Variants in RNF6 observed in about 807,000 individuals in gnomAD.
RNF6 encodes ring finger protein 6, also known as E3 ubiquitin-protein ligase RNF6.
RNF6 carries 21 observed loss-of-function variants against 50.1 expected under a neutral mutation model. The observed-to-expected ratio is 0.42, with a 90% CI of 0.30 to 0.60. RNF6 has a LOEUF of 0.60. RNF6 is among the 20% of genes least tolerant of loss of function. The pLI is 0.20. For synonymous variants in RNF6, 255 were observed against 291.8 expected, an observed-to-expected ratio of 0.87 and a Z score of 1.29; for missense variants, 698 against 838.2, an observed-to-expected ratio of 0.83 and a Z score of 2.07.
intron 5 of RNF6, among the ~76,000 whole-genome samples, chr13:26,139,495 G>A (rs1046447120): frequency 6.6e-6 from 1 of 152,046 alleles, no homozygotes; most frequent in Non-Finnish European, 1.5e-5. Context: ...TGACCACCCT[G>A]TGTCACCACT....
At chr13:26,221,568 C>A (rs149568510) in intron 1 of RNF6, 2 of 152,366 alleles carry the variant, frequency 1.3e-5, no homozygotes, top group East Asian at 3.9e-4. Context: ...CCTGGGTTTA[C>A]GCCTCCTCTC....
chr13:26,210,079 G>GA (rs1219086670), downstream of RNF6, among the ~76,000 whole-genome samples: 3 of 152,046 alleles, frequency 2.0e-5, no homozygotes, highest in African/African-American at 4.8e-5. Context: ...AGAGACTAAA[G>GA]AAAAAATCAC....
chr13:26,135,735 T>C (rs1462890897), intron 5 of RNF6: 1 of 152,212 alleles, frequency 6.6e-6, no homozygotes, highest in African/African-American at 2.4e-5. Context: ...ACCACCAATG[T>C]TGGTGGTAGG....
intron 5 of RNF6, among the ~76,000 whole-genome samples, chr13:26,162,943 G>A (rs1464871588): frequency 1.3e-5 from 2 of 152,138 alleles, no homozygotes; most frequent in Non-Finnish European, 2.9e-5. Flanking sequence ...GTTTTATTGT[G>A]GAAACTTTCA....
At chr13:26,163,053 G>A (rs2137613767) in intron 5 of RNF6, among the ~76,000 whole-genome samples, 1 of 152,190 alleles carries the variant, frequency 6.6e-6, no homozygotes, top group East Asian at 1.9e-4. Context: ...GCTCATGCCT[G>A]TAATCCCAGC....
At chr13:26,194,671 A>T (rs942571240) in intron 5 of RNF6, among the ~76,000 whole-genome samples, 1 of 152,112 alleles carries the variant, frequency 6.6e-6, no homozygotes, top group Non-Finnish European at 1.5e-5. Flanking sequence ...TTAAGTATTA[A>T]CTCACATGAT....
chr13:26,186,660 G>T (rs1040812474), intron 5 of RNF6, among the ~76,000 whole-genome samples: 2 of 152,222 alleles, frequency 1.3e-5, no homozygotes, highest in Non-Finnish European at 2.9e-5. Context: ...CCGCAGCGGC[G>T]CTATACCTTC....
intron 5 of RNF6, among the ~76,000 whole-genome samples, chr13:26,202,069 C>T (rs1868918393): frequency 6.6e-6 from 1 of 152,196 alleles, no homozygotes; most frequent in Non-Finnish European, 1.5e-5. Context: ...TCCTACCATA[C>T]TTGGCAGTCT....
chr13:26,155,357 C>T (rs1406758615), intron 5 of RNF6, among the ~76,000 whole-genome samples: 2 of 145,046 alleles, frequency 1.4e-5, no homozygotes, highest in Non-Finnish European at 3.1e-5. Flanking sequence ...TGGTATGTTT[C>T]TTTTTTTTTT....
downstream of RNF6, among the ~76,000 whole-genome samples, chr13:26,211,134 C>T (rs539373226): frequency 5.3e-5 from 8 of 152,254 alleles, no homozygotes; most frequent in Admixed American, 4.6e-4. Context: ...TTGTCATCAG[C>T]CTTGTTTATT....
chr13:26,169,176 G>T (rs1000284939), intron 5 of RNF6, among the ~76,000 whole-genome samples: 6 of 152,116 alleles, frequency 3.9e-5, no homozygotes, highest in African/African-American at 1.4e-4. Flanking sequence ...GCATAGAAAG[G>T]GTTCCCTGCC....
chr13:26,172,717 G>A lies in RNF6; in HGVS notation n.769-40266C>T, dbSNP rs185291447. 2.7e-3 allele frequency among the ~76,000 whole-genome samples: 411 copies of A among 152,146 alleles called. 2 individuals carry two copies. The highest frequency in any genetic ancestry group is 8.9e-3 in the African/African-American group (369 of 41,510). On this transcript the variant is annotated intron_variant and non_coding_transcript_variant, in intron 5 of 5. Transcript: ENST00000468480. Reference sequence around the variant, plus strand: ...CGCCACCATGCCCGGCTAATTTTCTGTATTTTTAGTACAGATAAGGTTTCA... The same window carrying A: ...CGCCACCATGCCCGGCTAATTTTCTATATTTTTAGTACAGATAAGGTTTCA...
upstream of RNF6, chr13:26,222,419 A>G (rs1870616999): frequency 6.6e-6 from 1 of 152,306 alleles, no homozygotes; most frequent in South Asian, 2.1e-4. Context: ...CCGGCCGCTC[A>G]GCGCTCGTGG....
intron 5 of RNF6, among the ~76,000 whole-genome samples, chr13:26,186,934 C>T (rs373092637): frequency 1.2e-4 from 18 of 152,170 alleles, no homozygotes; most frequent in Non-Finnish European, 2.2e-4. Context: ...CCCGCCACCA[C>T]GCCCGGCTAA....
At chr13:26,155,045 CA>C (rs145217433) in intron 5 of RNF6, among the ~76,000 whole-genome samples, 12 of 146,134 alleles carry the variant, frequency 8.2e-5, no homozygotes, top group South Asian at 2.2e-4. Flanking sequence ...AAGCAAAAAA[CA>C]AAAAAAAAAC....
intron 5 of RNF6, among the ~76,000 whole-genome samples, chr13:26,203,955 A>G (rs998123427): frequency 2.0e-5 from 3 of 146,550 alleles, no homozygotes; most frequent in Non-Finnish European, 4.5e-5. Context: ...TCGGTCTCAA[A>G]CAAACAAACA....
intron 4 of RNF6, among the ~76,000 whole-genome samples, chr13:26,218,064 T>C (rs1324893843): frequency 6.6e-6 from 1 of 152,234 alleles, no homozygotes; most frequent in Non-Finnish European, 1.5e-5. Flanking sequence ...CTTCATTTAG[T>C]TTGAAGTTCT....
At chr13:26,186,354 G>A (rs774595099) in intron 5 of RNF6, among the ~76,000 whole-genome samples, 4 of 152,268 alleles carry the variant, frequency 2.6e-5, no homozygotes, top group Admixed American at 6.5e-5. Flanking sequence ...CAGTGCGTGT[G>A]TAAGACCGCG....
chr13:26,220,818 C>T (rs1325027057), intron 2 of RNF6, among the ~76,000 whole-genome samples: 1 of 152,188 alleles, frequency 6.6e-6, no homozygotes, highest in East Asian at 1.9e-4. Context: ...GCAACTCTGC[C>T]TCTCGAAATA....
Sources: gnomAD v4.1 joint callset for allele counts (sites outside exome capture counted in the v4.1 genomes callset) on GRCh38, gnomAD v4.1.1 for gene constraint, MANE v1.5 for transcripts, NCBI Gene and HGNC (gene_info 2026-07-23, HGNC 2026-07-21) for gene names.